Variants in CDC25A observed in about 807,000 individuals in gnomAD.
CDC25A encodes M-phase inducer phosphatase 1.
Under a neutral mutation model 64.6 loss-of-function variants are expected in CDC25A, and 17 were observed. The ratio of observed to expected loss-of-function variants is 0.26; its 90% CI spans 0.18 to 0.39. CDC25A has a LOEUF of 0.39. CDC25A is among the 10% of genes least tolerant of loss of function. CDC25A has a pLI of 1.00. For missense variants in CDC25A, 473 were observed against 654.8 expected, an observed-to-expected ratio of 0.72 and a Z score of 3.03; for synonymous variants, 229 against 238.6, an observed-to-expected ratio of 0.96 and a Z score of 0.37.
chr3:48,180,736 A>G lies in CDC25A; in HGVS notation c.534T>C (p.Ser178=). Residue 178 remains serine, a synonymous_variant, in exon 6 of 15, where the codon TCT becomes TCC. Transcript: ENST00000302506. ...GKDLFTQRQN[S]APARMLSSNE... is the part of the protein sequence containing the mutation. ...GAGCACATACCATCCGAGCTGGGGC[A>G]GAGTTCTGCCTCTGTGTGAAGAGAT... The G allele has an allele frequency of 6.2e-7, 1 of 1,614,154 alleles. No homozygotes were observed. Among genetic ancestry groups the G allele is most frequent in the Non-Finnish European group, 8.5e-7 (1 of 1,179,986 alleles).
intron 10 of CDC25A, among the ~76,000 whole-genome samples, chr3:48,166,640 G>A (rs1008871952): frequency 3.9e-5 from 6 of 152,336 alleles, no homozygotes; most frequent in African/African-American, 1.4e-4. Flanking sequence ...TGAGGAGGAA[G>A]ATGCACACAT....
At chr3:48,170,085 A>G (rs2032211680) in intron 9 of CDC25A, among the ~76,000 whole-genome samples, 1 of 152,126 alleles carries the variant, frequency 6.6e-6, no homozygotes, top group South Asian at 2.1e-4. Flanking sequence ...ACACCCCACA[A>G]ACTCAAAGTG....
chr3:48,179,233 C>T (rs2032574782), intron 6 of CDC25A, among the ~76,000 whole-genome samples: 1 of 152,178 alleles, frequency 6.6e-6, no homozygotes, highest in Non-Finnish European at 1.5e-5. Flanking sequence ...ATCACGAAAG[C>T]TCACACTATA....
At chr3:48,181,446 T>C in intron 5 of CDC25A, 1 of 648,888 alleles carries the variant, frequency 1.5e-6, no homozygotes, top group South Asian at 1.8e-5. Flanking sequence ...TAAGAACTCA[T>C]AATTAAGTAT....
chr3:48,168,490 G>A (rs985198389), intron 9 of CDC25A, among the ~76,000 whole-genome samples: 8 of 151,816 alleles, frequency 5.3e-5, no homozygotes, highest in South Asian at 2.1e-4. Context: ...TGGGGAGGTC[G>A]AGGCTACAGC....
intron 10 of CDC25A, among the ~76,000 whole-genome samples, chr3:48,166,986 G>T (rs750744320): frequency 6.6e-6 from 1 of 152,112 alleles, no homozygotes; most frequent in South Asian, 2.1e-4. Context: ...TTCATTCTCC[G>T]TTCCTTCAAA....
intron 8 of CDC25A, among the ~76,000 whole-genome samples, 166 bp downstream of exon 8, chr3:48,177,203 GAT>G (rs2106739494): frequency 6.6e-6 from 1 of 152,276 alleles, no homozygotes; most frequent in East Asian, 1.9e-4. Context: ...CATGCAGAGA[GAT>G]ATCATGACTA....
At chr3:48,172,947 C>T (rs961035569) in intron 9 of CDC25A, among the ~76,000 whole-genome samples, 4 of 152,094 alleles carry the variant, frequency 2.6e-5, no homozygotes, top group African/African-American at 9.7e-5. Context: ...GGGCTGGGCG[C>T]AGTGGCTCAC....
chr3:48,161,963 AG>A (rs1219504014), intron 13 of CDC25A, among the ~76,000 whole-genome samples: 1 of 152,114 alleles, frequency 6.6e-6, no homozygotes, highest in Non-Finnish European at 1.5e-5. Flanking sequence ...TGGGAGCCTG[AG>A]GCAGGAGAAT....
intron 9 of CDC25A, among the ~76,000 whole-genome samples, chr3:48,171,944 C>G (rs2032284575): frequency 6.6e-6 from 1 of 152,112 alleles, no homozygotes; most frequent in African/African-American, 2.4e-5. Flanking sequence ...CTGCTTGAGC[C>G]CAGGAATTCA....
At chr3:48,163,706 T>C (rs887175435) in intron 13 of CDC25A, among the ~76,000 whole-genome samples, 1 of 152,232 alleles carries the variant, frequency 6.6e-6, no homozygotes, top group Non-Finnish European at 1.5e-5. Flanking sequence ...AAGTCTCCCT[T>C]GGACCATCCT....
At chr3:48,174,184 A>T in intron 9 of CDC25A, 100 bp downstream of exon 9, 1 of 1,144,118 alleles carries the variant, frequency 8.7e-7, no homozygotes, top group Non-Finnish European at 1.2e-6. Flanking sequence ...AAACCCCAGC[A>T]AATCTTAGCA....
chr3:48,179,062 A>T (rs1221252719), intron 6 of CDC25A, among the ~76,000 whole-genome samples: 1 of 152,160 alleles, frequency 6.6e-6, no homozygotes, highest in East Asian at 1.9e-4. Flanking sequence ...GCACCAAGGA[A>T]TCCTCTCTGC....
chr3:48,166,129 A>G (rs77016460), intron 10 of CDC25A, among the ~76,000 whole-genome samples: 3,129 of 152,222 alleles, frequency 0.021, 96 homozygotes, highest in African/African-American at 0.068. Context: ...TTTTAAAAAT[A>G]CAAAAATTAG....
intron 10 of CDC25A, among the ~76,000 whole-genome samples, 189 bp downstream of exon 10, chr3:48,167,657 A>G (rs2032079505): frequency 6.6e-6 from 1 of 152,236 alleles, no homozygotes; most frequent in South Asian, 2.1e-4. Context: ...AGTGATATCT[A>G]CAGTCTCAGA....
At chr3:48,172,606 T>C (rs920136774) in intron 9 of CDC25A, among the ~76,000 whole-genome samples, 1 of 152,238 alleles carries the variant, frequency 6.6e-6, no homozygotes, top group Non-Finnish European at 1.5e-5. Flanking sequence ...CTAACACCTA[T>C]GATCCTGGCA....
At chr3:48,162,398 ACCT>A (rs1410093981) in intron 13 of CDC25A, among the ~76,000 whole-genome samples, 1 of 150,726 alleles carries the variant, frequency 6.6e-6, no homozygotes, top group Non-Finnish European at 1.5e-5. Context: ...CGATCCTCCC[ACCT>A]CCTATTTTTT....
chr3:48,166,891 A>G (rs1401433736), intron 10 of CDC25A, among the ~76,000 whole-genome samples: 4 of 152,196 alleles, frequency 2.6e-5, no homozygotes, highest in Non-Finnish European at 5.9e-5. Context: ...CTACAGCCTG[A>G]GCAACATAGT....
rs988728285 is a variant in CDC25A, at chr3:48,171,327, T to A, written c.930+2957A>T. On this transcript the variant is annotated intron_variant, in intron 9 of 14. Coordinates refer to ENST00000302506, the MANE Select transcript of CDC25A (RefSeq NM_001789.3). The stretch of plus-strand genomic sequence containing the variant: ...AGGCGGAGGTTGCCGTGAGCCAAGA[T>A]CCTGCCACTGCACTCCAGCGTGTCT... 1.1e-4 allele frequency among the ~76,000 whole-genome samples: 17 copies of A among 150,740 alleles called. No homozygotes were observed. The East Asian group carries it at 2.7e-3, about 24-fold the overall frequency.
Sources: allele counts gnomAD v4.1 joint callset (sites outside exome capture counted in the v4.1 genomes callset), GRCh38; gene constraint gnomAD v4.1.1; transcripts MANE v1.5; gene names NCBI Gene and HGNC (gene_info 2026-07-23, HGNC 2026-07-21).